Variants in CCDC33 observed in about 807,000 individuals in gnomAD.
CCDC33 encodes coiled-coil domain-containing protein 33.
In CCDC33, 94 loss-of-function variants were observed where a neutral mutation model predicts 91.9. The observed-to-expected ratio is 1.02, with a 90% confidence interval of 0.87 to 1.21. The LOEUF is 1.21. CCDC33 is among the 50% of genes most tolerant of loss of function. CCDC33 has a pLI of 0.00. For missense variants in CCDC33, 940 were observed against 935.5 expected, an observed-to-expected ratio of 1.00 and a Z score of -0.06; for synonymous variants, 396 against 374.5, an observed-to-expected ratio of 1.06 and a Z score of -0.66.
At chr15:74,318,980 C>A (rs2060152226) in intron 11 of CCDC33, among the ~76,000 whole-genome samples, 1 of 152,138 alleles carries the variant, frequency 6.6e-6, no homozygotes, top group Non-Finnish European at 1.5e-5. Flanking sequence ...CTTGGAGGTC[C>A]AGCCTTGGAT....
At chr15:74,241,832 T>C (rs1447863620) in intron 1 of CCDC33, among the ~76,000 whole-genome samples, 1 of 152,078 alleles carries the variant, frequency 6.6e-6, no homozygotes, top group Non-Finnish European at 1.5e-5. Flanking sequence ...ATAAGGGATG[T>C]AGAGGAAGAG....
chr15:74,281,749 T>G (rs1374290294), intron 9 of CCDC33, 29 bp from the exon 10 acceptor site: 1 of 1,601,422 alleles, frequency 6.2e-7, no homozygotes, highest in Non-Finnish European at 8.6e-7. Flanking sequence ...CTGGCCAGCA[T>G]GGTCTGAGTG....
At chr15:74,255,573 G>A (rs1209702697) in intron 2 of CCDC33, among the ~76,000 whole-genome samples, 1 of 152,390 alleles carries the variant, frequency 6.6e-6, no homozygotes, top group East Asian at 1.9e-4. Flanking sequence ...CTCCTGCGGT[G>A]CCCTGTGGCG....
At position 74,296,607 on chromosome 15, in the gene CCDC33, C is replaced by G. The variant is rs557802435; in HGVS notation, c.1290+659C>G. ...TGCCATTGCACTCCAGCCTGGGCAA[C>G]AAGAGTGAAACTCCATCTCAAAAAA... is the stretch of plus-strand genomic sequence containing the variant. On this transcript the variant is annotated intron_variant, in intron 11 of 18. Coordinates refer to ENST00000398814, the MANE Select transcript of CCDC33 (RefSeq NM_025055.5). 2.1e-3 allele frequency among the ~76,000 whole-genome samples: 322 copies of G among 152,188 alleles called. 1 individual carries two copies. Among genetic ancestry groups the G allele is most frequent in the African/African-American group, 7.5e-3 (312 of 41,514 alleles).
At chr15:74,205,020 C>T (rs565607979) in intron 1 of CCDC33, among the ~76,000 whole-genome samples, 3 of 152,204 alleles carry the variant, frequency 2.0e-5, no homozygotes, top group African/African-American at 4.8e-5. Flanking sequence ...GGTTTGGCAG[C>T]GAGCAAGATG....
In CCDC33 at chr15:74,335,032, C is replaced by A. The variant is rs767027969; in HGVS notation, c.2083C>A (p.Gln695Lys). ...REKQDLATRL[Q>K]EQEKGFRHPS... ...GAAGCAGGATCTGGCCACACGGCTG[C>A]AGGAGCAAGAAAAAGGTTTCAGGCA... The change falls in exon 18 of 19, where the codon CAG becomes AAG. Residue 695 changes from glutamine to lysine, a missense_variant. By Grantham distance (53) the Gln-to-Lys change is moderately conservative (BLOSUM62 1). Transcript: ENST00000398814. The A allele has an allele frequency of 6.2e-7, 1 of 1,614,122 alleles. No homozygotes were observed. The highest frequency in any genetic ancestry group is 2.2e-5 in the East Asian group (1 of 44,886).
chr15:74,252,476 T>C (rs927367420), intron 2 of CCDC33, among the ~76,000 whole-genome samples: 2 of 152,238 alleles, frequency 1.3e-5, no homozygotes, highest in African/African-American at 4.8e-5. Context: ...CTGATGATGT[T>C]CCACTCGAAG....
Position 74,271,712 on chromosome 15 carries a change from C to G in CCDC33, c.556C>G (p.Arg186Gly), listed in dbSNP as rs201603982. The G allele has an allele frequency of 6.2e-7, 1 of 1,613,370 alleles. No individual in the cohort carries two copies. The highest frequency in any genetic ancestry group is 2.2e-5 in the East Asian group (1 of 44,850). Residue 186 changes from arginine (R) to glycine (G), a missense_variant, in exon 6 of 19, where the codon CGG (arginine) becomes GGG (glycine). Physicochemically the swap from Arg to Gly is moderately radical, Grantham distance 125. Coordinates refer to ENST00000398814, the MANE Select transcript of CCDC33 (RefSeq NM_025055.5). ...CNHMALEIFL[R>G]GVNEPLANNP... ...CTCCTCTCCTCTCCAGATCTTTCTC[C>G]GGGGAGTCAACGAGCCCCTGGCCAA...
upstream of CCDC33, among the ~76,000 whole-genome samples, chr15:74,235,351 A>G (rs1361701866): frequency 2.0e-5 from 3 of 152,150 alleles, no homozygotes. Context: ...GAGTGGGGGT[A>G]GAGAGGGAGG....
intron 1 of CCDC33, among the ~76,000 whole-genome samples, chr15:74,206,442 C>T (rs886808887): frequency 3.9e-5 from 6 of 152,192 alleles, no homozygotes; most frequent in African/African-American, 1.4e-4. Flanking sequence ...GGGAAGACGG[C>T]AGGAGGCAAG....
chr15:74,292,431 T>C (rs922026862), intron 10 of CCDC33, among the ~76,000 whole-genome samples: 50 of 152,156 alleles, frequency 3.3e-4, no homozygotes, highest in African/African-American at 1.2e-3. Flanking sequence ...CTGTGGAGTC[T>C]GGAGAGGCAA....
At position 74,244,207 on chromosome 15, in the gene CCDC33, G is replaced by A; in HGVS notation, c.185+59G>A. The A allele has an allele frequency of 6.4e-7, 1 of 1,556,520 alleles. No individual in the cohort carries two copies. Among genetic ancestry groups the A allele is most frequent in the Non-Finnish European group, 8.7e-7 (1 of 1,148,202 alleles). ...GGGTTGGGCTGTGAGCAGAAACCAG[G>A]GGACAGCTATTTGGAATACTAGCAC... On this transcript the variant is annotated intron_variant, in intron 2 of 18. Transcript: ENST00000398814. This position sits in a 1 kb window ranked among gnomAD's most constrained non-coding sequence, Gnocchi z 4.2.
intron 11 of CCDC33, among the ~76,000 whole-genome samples, chr15:74,310,009 A>T (rs2142735292): frequency 6.6e-6 from 1 of 152,194 alleles, no homozygotes; most frequent in African/African-American, 2.4e-5. Context: ...AAATTAACCA[A>T]GCATGGTGAC....
chr15:74,216,018 G>C (rs1040498228), upstream of CCDC33, among the ~76,000 whole-genome samples: 2 of 152,222 alleles, frequency 1.3e-5, no homozygotes, highest in African/African-American at 4.8e-5. Context: ...CTGCTTGCAG[G>C]GGATGGGGCC....
chr15:74,263,896 G>T (rs1289944450), intron 3 of CCDC33, among the ~76,000 whole-genome samples: 1 of 152,140 alleles, frequency 6.6e-6, no homozygotes, highest in Non-Finnish European at 1.5e-5. Flanking sequence ...CGTGTGTGTG[G>T]CTCTGTGTGT....
chr15:74,286,462 GC>G (rs1167851932), intron 10 of CCDC33, among the ~76,000 whole-genome samples: 1 of 152,096 alleles, frequency 6.6e-6, no homozygotes, highest in Non-Finnish European at 1.5e-5. Context: ...CATCCTGGGT[GC>G]CCTCCAGCTT....
intron 16 of CCDC33, among the ~76,000 whole-genome samples, chr15:74,333,516 C>T (rs1256907377): frequency 3.3e-5 from 5 of 152,220 alleles, no homozygotes; most frequent in Non-Finnish European, 1.5e-5. Flanking sequence ...GCACACCTGA[C>T]TCATGGACAT....
chr15:74,204,865 G>A (rs1046535810), intron 1 of CCDC33, among the ~76,000 whole-genome samples: 1 of 152,146 alleles, frequency 6.6e-6, no homozygotes, highest in African/African-American at 2.4e-5. Flanking sequence ...AACCCAGGGG[G>A]CAGAGGTTGC....
upstream of CCDC33, chr15:74,213,351 C>T (rs1325092807): frequency 6.6e-6 from 1 of 152,322 alleles, no homozygotes; most frequent in Non-Finnish European, 1.5e-5. Context: ...AGGAAGAAAT[C>T]CAGAGAGACA....
Sources: allele counts gnomAD v4.1 joint callset (sites outside exome capture counted in the v4.1 genomes callset), GRCh38; gene constraint gnomAD v4.1.1; non-coding constraint Gnocchi (gnomAD v3.1); transcripts MANE v1.5; gene names NCBI Gene and HGNC (gene_info 2026-07-23, HGNC 2026-07-21).